Variants in NALF1 observed in about 807,000 individuals in gnomAD.
The protein encoded by NALF1 is family with sequence similarity 155 member A.
Under a neutral mutation model 48.4 loss-of-function variants are expected in NALF1, and 3 were observed. The ratio of observed to expected loss-of-function variants is 0.06; its 90% CI spans 0.03 to 0.16. NALF1 has a LOEUF of 0.16. NALF1 is among the 10% of genes least tolerant of loss of function. The pLI is 1.00. For synonymous variants in NALF1, 262 were observed against 245.7 expected, an observed-to-expected ratio of 1.07 and a Z score of -0.62; for missense variants, 526 against 571.5, an observed-to-expected ratio of 0.92 and a Z score of 0.81.
chr13:107,380,476 C>T (rs909405979), intron 1 of NALF1, among the ~76,000 whole-genome samples: 2 of 152,020 alleles, frequency 1.3e-5, no homozygotes, highest in South Asian at 2.1e-4. Flanking sequence ...CAGAGTCACC[C>T]GAGTACTAAG....
chr13:107,399,989 C>A (rs10851200), intron 1 of NALF1, among the ~76,000 whole-genome samples: 23,405 of 152,028 alleles, frequency 0.15, 2,244 homozygotes, highest in Non-Finnish European at 0.2. Context: ...AACAATCAGA[C>A]AAGACTATGG....
intron 1 of NALF1, among the ~76,000 whole-genome samples, chr13:107,385,307 CT>C (rs1469457751): frequency 3.9e-5 from 6 of 152,082 alleles, no homozygotes; most frequent in African/African-American, 1.2e-4. Context: ...AATCCCAGCA[CT>C]TTGGGAGGCC....
intron 1 of NALF1, among the ~76,000 whole-genome samples, chr13:107,401,338 G>A (rs1883804189): frequency 6.6e-6 from 1 of 152,108 alleles, no homozygotes; most frequent in Admixed American, 6.6e-5. Flanking sequence ...TAGGAGTCTT[G>A]GGGTATATCC....
chr13:107,186,472 A>G (rs2138780152), intron 2 of NALF1, among the ~76,000 whole-genome samples: 1 of 152,224 alleles, frequency 6.6e-6, no homozygotes, highest in East Asian at 1.9e-4. Flanking sequence ...GGTTCAAGCG[A>G]TTCTCTTGCC....
At chr13:107,231,950 T>G (rs544531841) in intron 1 of NALF1, among the ~76,000 whole-genome samples, 122 of 152,346 alleles carry the variant, frequency 8.0e-4, no homozygotes, top group Non-Finnish European at 1.2e-3. Flanking sequence ...AATCTATTTC[T>G]TTTTATTTTC....
At chr13:107,563,147 T>TG (rs562571998) in intron 1 of NALF1, among the ~76,000 whole-genome samples, 43 of 152,232 alleles carry the variant, frequency 2.8e-4, no homozygotes, top group African/African-American at 9.9e-4. Flanking sequence ...ATTTGAGCAG[T>TG]GAAAAAAAAT....
In NALF1 at chr13:107,757,415, CT is replaced by C. The variant is rs3074821; in HGVS notation, c.915+108266del. ...CAGTTAACAACACTGGCCCTCATTT[CT>C]TTTTTTTTTTTTTTTTTTCAGTCAA... On this transcript the variant is annotated intron_variant, in intron 1 of 2. Coordinates refer to ENST00000375915, the MANE Select transcript of NALF1 (RefSeq NM_001080396.3). 3.6e-3 allele frequency among the ~76,000 whole-genome samples: 391 copies of C among 107,914 alleles called. 1 individual carries two copies. The highest frequency in any genetic ancestry group is 0.018 in the Middle Eastern group (3 of 164). The allele number at this position is 107,914 out of a possible 152,430, so 70.8% of individuals were successfully genotyped here. A position where few individuals can be genotyped will look rare whatever the true frequency, so the allele number is the denominator to read the frequency against.
intron 1 of NALF1, among the ~76,000 whole-genome samples, chr13:107,370,111 G>A (rs1016608444): frequency 2.8e-5 from 4 of 142,126 alleles, no homozygotes; most frequent in African/African-American, 7.7e-5. Context: ...CACAGAAAGT[G>A]CAAATTTGTA....
At chr13:107,182,848 T>C (rs1324745845) in intron 2 of NALF1, among the ~76,000 whole-genome samples, 2 of 152,198 alleles carry the variant, frequency 1.3e-5, no homozygotes, top group Non-Finnish European at 2.9e-5. Flanking sequence ...TTCTGTCTTA[T>C]TTGGGGGTGA....
intron 2 of NALF1, among the ~76,000 whole-genome samples, chr13:107,194,822 A>T (rs1317302592): frequency 6.6e-6 from 1 of 152,230 alleles, no homozygotes; most frequent in East Asian, 1.9e-4. Flanking sequence ...TATACATCTG[A>T]CAAAGGACTA....
At position 107,193,496 on chromosome 13, in the gene NALF1, C is replaced by T. The variant is rs368677146; in HGVS notation, c.1087+17088G>A. ...ATTGTTGGTCTCATTAATGGCAACACATGTAGGGTAGTGGGCAGCTTTTGT... is the reference window on the plus strand; with the variant it reads ...ATTGTTGGTCTCATTAATGGCAACATATGTAGGGTAGTGGGCAGCTTTTGT... On this transcript the variant is annotated intron_variant, in intron 2 of 2. Transcript: ENST00000375915. Among the ~76,000 whole-genome samples the T allele has an allele frequency of 1.1e-4, 16 of 152,252 alleles. 1 individual carries two copies. In the South Asian group the frequency reaches 3.3e-3, roughly 32 times the overall value.
At chr13:107,699,061 C>G (rs1363612186) in intron 1 of NALF1, among the ~76,000 whole-genome samples, 1 of 152,146 alleles carries the variant, frequency 6.6e-6, no homozygotes, top group Non-Finnish European at 1.5e-5. Flanking sequence ...CTTTGCCATT[C>G]ATAGCTGAGC....
chr13:107,562,334 G>A (rs910625343), intron 1 of NALF1, among the ~76,000 whole-genome samples: 3 of 152,278 alleles, frequency 2.0e-5, no homozygotes, highest in African/African-American at 7.2e-5. Flanking sequence ...AGTCAAAGGC[G>A]TGCTTGTAAT....
chr13:107,334,211 G>A (rs1008397104), intron 1 of NALF1, among the ~76,000 whole-genome samples: 1 of 152,142 alleles, frequency 6.6e-6, no homozygotes, highest in Non-Finnish European at 1.5e-5. Context: ...CTAAAGATTT[G>A]CATAGAGGGA....
chr13:107,302,867 C>T (rs549774578), intron 1 of NALF1, among the ~76,000 whole-genome samples: 1 of 152,262 alleles, frequency 6.6e-6, no homozygotes, highest in Admixed American at 6.5e-5. Flanking sequence ...CACACAGACA[C>T]ACACAGACAC....
At chr13:107,395,340 C>A (rs1235670053) in intron 1 of NALF1, among the ~76,000 whole-genome samples, 4 of 152,190 alleles carry the variant, frequency 2.6e-5, no homozygotes, top group African/African-American at 9.6e-5. Context: ...CCAGGAAAAG[C>A]CAAGATCTTC....
intron 2 of NALF1, among the ~76,000 whole-genome samples, chr13:107,174,886 TTTTTC>T (rs1308224562): frequency 1.1e-3 from 168 of 148,702 alleles, no homozygotes; most frequent in African/African-American, 4.1e-3. Flanking sequence ...TTTCTTTTTC[TTTTTC>T]TTTTTTTTTT....
intron 1 of NALF1, among the ~76,000 whole-genome samples, chr13:107,272,773 C>A (rs984619655): frequency 6.6e-6 from 1 of 152,124 alleles, no homozygotes; most frequent in Non-Finnish European, 1.5e-5. Flanking sequence ...CATCAAAAGC[C>A]TTGAGAAAAC....
chr13:107,610,507 A>G (rs1013125395), intron 1 of NALF1, among the ~76,000 whole-genome samples: 4 of 152,234 alleles, frequency 2.6e-5, no homozygotes, highest in African/African-American at 9.6e-5. Flanking sequence ...TTAAATAGAC[A>G]TGAAACCATG....
Sources: gnomAD v4.1 joint callset for allele counts (sites outside exome capture counted in the v4.1 genomes callset) on GRCh38, gnomAD v4.1.1 for gene constraint, MANE v1.5 for transcripts, NCBI Gene and HGNC (gene_info 2026-07-23, HGNC 2026-07-21) for gene names.